Variants in NR2F1-AS1 observed in about 807,000 individuals in gnomAD.
The protein encoded by NR2F1-AS1 is NR2F1 antisense RNA 1.
intron 4 of NR2F1-AS1, among the ~76,000 whole-genome samples, chr5:93,490,635 T>C (rs977683719): frequency 5.5e-5 from 8 of 144,484 alleles, no homozygotes; most frequent in Admixed American, 4.8e-4. Context: ...GTGGTGGTTG[T>C]TCCTGGTAAT....
chr5:93,449,396 A>G (rs768852523), intron 4 of NR2F1-AS1, among the ~76,000 whole-genome samples: 2 of 152,278 alleles, frequency 1.3e-5, no homozygotes, highest in Non-Finnish European at 2.9e-5. Flanking sequence ...TGGATACAGC[A>G]ACAATGTAGA....
At chr5:93,525,932 T>C (rs1297514828) in intron 4 of NR2F1-AS1, among the ~76,000 whole-genome samples, 1 of 151,782 alleles carries the variant, frequency 6.6e-6, no homozygotes, top group Admixed American at 6.6e-5. Context: ...CAACTTAACA[T>C]CACAATTAAA....
intron 4 of NR2F1-AS1, among the ~76,000 whole-genome samples, chr5:93,476,651 G>A (rs949887177): frequency 1.3e-5 from 2 of 151,974 alleles, no homozygotes; most frequent in African/African-American, 2.4e-5. Flanking sequence ...CCTTCCTAAC[G>A]TTATTGGAGA....
At position 93,493,893 on chromosome 5, in the gene NR2F1-AS1, T is replaced by C. The variant is rs939472238; in HGVS notation, n.638+59868A>G. On this transcript the variant is annotated intron_variant and non_coding_transcript_variant, in intron 4 of 5. Transcript: ENST00000660523. ...AATATGAAAGCTACAATTATAGGAC[T>C]ATTAAAGAAACCATACACTTAAATC... is the stretch of plus-strand genomic sequence containing the variant. Among the ~76,000 whole-genome samples, 11 of 152,162 alleles carry C rather than the reference T, an allele frequency of 7.2e-5. No individual in the cohort carries two copies. In the South Asian group the frequency reaches 1.2e-3, roughly 17 times the overall value.
At chr5:93,476,191 C>T (rs572411061) in intron 4 of NR2F1-AS1, among the ~76,000 whole-genome samples, 34 of 152,106 alleles carry the variant, frequency 2.2e-4, no homozygotes, top group Non-Finnish European at 3.7e-4. Flanking sequence ...TAAATGTGAA[C>T]ATGCATGTCA....
intron 2 of NR2F1-AS1, among the ~76,000 whole-genome samples, chr5:93,557,994 T>G (rs1349214464): frequency 6.6e-6 from 1 of 152,204 alleles, no homozygotes; most frequent in African/African-American, 2.4e-5. Flanking sequence ...AAACAACTCA[T>G]CCATTCGAGT....
At chr5:93,427,272 T>C (rs774720416) in intron 4 of NR2F1-AS1, among the ~76,000 whole-genome samples, 36 of 152,274 alleles carry the variant, frequency 2.4e-4, no homozygotes, top group Middle Eastern at 3.4e-3. Flanking sequence ...CAAAATAAAA[T>C]GAGTTTTAGA....
At chr5:93,496,362 A>G (rs1338891905) in intron 4 of NR2F1-AS1, among the ~76,000 whole-genome samples, 2 of 152,146 alleles carry the variant, frequency 1.3e-5, no homozygotes, top group African/African-American at 2.4e-5. Flanking sequence ...GGGAAAATAT[A>G]TATTGGCAAG....
At chr5:93,494,817 T>C (rs1396138968) in intron 4 of NR2F1-AS1, among the ~76,000 whole-genome samples, 3 of 152,144 alleles carry the variant, frequency 2.0e-5, no homozygotes, top group Non-Finnish European at 4.4e-5. Context: ...GTATTATTCA[T>C]AACAGCAAAA....
At chr5:93,534,968 C>T (rs978633905) in intron 4 of NR2F1-AS1, among the ~76,000 whole-genome samples, 3 of 152,262 alleles carry the variant, frequency 2.0e-5, no homozygotes, top group Admixed American at 2.0e-4. Flanking sequence ...TTCAGAAAAA[C>T]ACAGATTTTA....
intron 1 of NR2F1-AS1, among the ~76,000 whole-genome samples, chr5:93,564,434 G>T (rs1214654746): frequency 6.6e-6 from 1 of 152,140 alleles, no homozygotes; most frequent in African/African-American, 2.4e-5. Flanking sequence ...TCTCAACTAA[G>T]AATGAATTAA....
chr5:93,540,653 T>A (rs896660354), intron 4 of NR2F1-AS1, among the ~76,000 whole-genome samples: 2 of 152,154 alleles, frequency 1.3e-5, no homozygotes, highest in Non-Finnish European at 2.9e-5. Flanking sequence ...ATGGTTTTAG[T>A]GGAGTTGTGC....
intron 4 of NR2F1-AS1, among the ~76,000 whole-genome samples, chr5:93,536,015 T>C (rs1285530784): frequency 6.6e-6 from 1 of 152,090 alleles, no homozygotes; most frequent in African/African-American, 2.4e-5. Context: ...TAAAACTGTT[T>C]GCATATGACA....
intron 4 of NR2F1-AS1, among the ~76,000 whole-genome samples, chr5:93,456,359 G>A (rs1301355826): frequency 6.6e-6 from 1 of 152,010 alleles, no homozygotes; most frequent in African/African-American, 2.4e-5. Flanking sequence ...CCAAAAAACT[G>A]GAAATAATTG....
intron 1 of NR2F1-AS1, among the ~76,000 whole-genome samples, chr5:93,574,443 G>A (rs942134680): frequency 1.3e-5 from 2 of 152,108 alleles, no homozygotes; most frequent in African/African-American, 2.4e-5. Context: ...CTCACCCCTT[G>A]TTCACACATC....
intron 4 of NR2F1-AS1, chr5:93,541,878 AAAT>A (rs1306679559): frequency 6.6e-6 from 1 of 152,046 alleles, no homozygotes; most frequent in Non-Finnish European, 1.5e-5. Context: ...CAAACACATT[AAAT>A]AATATTTTAA....
At chr5:93,578,348 C>T (rs910298410) in intron 1 of NR2F1-AS1, among the ~76,000 whole-genome samples, 2 of 152,090 alleles carry the variant, frequency 1.3e-5, no homozygotes, top group African/African-American at 2.4e-5. Context: ...GTACTATAGG[C>T]TTACAGCCTA....
At chr5:93,535,173 T>G (rs1751814539) in intron 4 of NR2F1-AS1, among the ~76,000 whole-genome samples, 2 of 150,386 alleles carry the variant, frequency 1.3e-5, no homozygotes, top group African/African-American at 2.4e-5. Flanking sequence ...ATGGAAGGAA[T>G]AAAGGTCGTA....
chr5:93,490,544 GTGGTGGTGGTCA>G (rs1750814710), intron 4 of NR2F1-AS1, among the ~76,000 whole-genome samples: 1 of 151,526 alleles, frequency 6.6e-6, no homozygotes, highest in South Asian at 2.1e-4. Flanking sequence ...GGTGGCAGTG[GTGGTGGTGGTCA>G]TGGTGGTGAT....
Sources: gnomAD v4.1 joint callset for allele counts (sites outside exome capture counted in the v4.1 genomes callset) on GRCh38, gnomAD v4.1.1 for gene constraint, MANE v1.5 for transcripts, NCBI Gene and HGNC (gene_info 2026-07-23, HGNC 2026-07-21) for gene names.